The following CAND2 variants were observed in gnomAD, a reference collection of about 807,000 sequenced individuals.
CAND2 encodes the protein cullin associated and neddylation dissociated 2 (putative), also known as cullin-associated NEDD8-dissociated protein 2.
CAND2 carries 62 observed loss-of-function variants against 98.9 expected under a neutral mutation model. That is an observed-to-expected ratio of 0.63 (90% CI 0.51 to 0.77). The LOEUF is 0.77. CAND2 is among the 30% of genes least tolerant of loss of function. CAND2 has a pLI of 0.00. For missense variants in CAND2, 1,501 were observed against 1,655.2 expected, an observed-to-expected ratio of 0.91 and a Z score of 1.62; for synonymous variants, 770 against 731.9, an observed-to-expected ratio of 1.05 and a Z score of -0.84.
intron 13 of CAND2, among the ~76,000 whole-genome samples, chr3:12,829,620 G>A (rs2062037058): frequency 6.6e-6 from 1 of 152,208 alleles, no homozygotes; most frequent in Admixed American, 6.5e-5. Flanking sequence ...ACCCAGAGAG[G>A]CCTGCTGTCT....
chr3:12,809,419 T>C (rs967775924), intron 4 of CAND2, among the ~76,000 whole-genome samples: 2 of 151,702 alleles, frequency 1.3e-5, no homozygotes, highest in African/African-American at 4.9e-5. Context: ...GGAGAGGGGG[T>C]TGGGTAGGAC....
At position 12,834,121 on chromosome 3, in the gene CAND2, CT is replaced by C; in HGVS notation, c.*141del. On this transcript the variant is annotated 3_prime_UTR_variant, in exon 15 of 15. Transcript: ENST00000456430. ...GGGGCCCTGTCGCTCCTGGTCAGGG[CT>C]TACAGTGCCTTCTCCAGGGACCCAA... The C allele has an allele frequency of 4.4e-6, 3 of 677,758 alleles. No homozygotes were observed. The highest frequency in any genetic ancestry group is 7.5e-6 in the Non-Finnish European group (3 of 401,708). 42.0% of individuals were successfully genotyped at this position (677,758 alleles called of 1,614,324 possible). A position where few individuals can be genotyped will look rare whatever the true frequency, so the allele number is the denominator to read the frequency against.
At chr3:12,821,606 G>A (rs1023854296) in intron 11 of CAND2, among the ~76,000 whole-genome samples, 2 of 152,266 alleles carry the variant, frequency 1.3e-5, no homozygotes, top group African/African-American at 2.4e-5. Flanking sequence ...CCATTGTAAC[G>A]GAGCTGCCCT....
At chr3:12,804,689 A>G (rs779365078) in intron 2 of CAND2, among the ~76,000 whole-genome samples, 1 of 152,200 alleles carries the variant, frequency 6.6e-6, no homozygotes, top group Non-Finnish European at 1.5e-5. Flanking sequence ...GAGGTTGTCA[A>G]GCTTGACTGC....
chr3:12,833,610 G>C (rs1293816226), intron 14 of CAND2, 145 bp from the exon 15 acceptor site: 1 of 666,258 alleles, frequency 1.5e-6, no homozygotes, highest in Admixed American at 2.7e-5. Context: ...AATAGCTGGT[G>C]AGACAGAAGC....
Position 12,815,428 on chromosome 3 carries a change from G to T in CAND2, c.1294G>T (p.Gly432Ter). ...QTGSNLHMLR[G>*]QVPLVVKALQ... ...CGGCAGCAACCTCCATATGCTACGTGGACAGGTGGGCGTGCCTTCACCTCC... is the reference window on the plus strand; with the variant it reads ...CGGCAGCAACCTCCATATGCTACGTTGACAGGTGGGCGTGCCTTCACCTCC... Residue 432 changes from glycine to a stop codon, truncating the protein, a stop_gained, in exon 8 of 15, where the codon GGA becomes TGA. Coordinates refer to ENST00000456430, the MANE Select transcript of CAND2 (RefSeq NM_001162499.2). LOFTEE classifies it high-confidence loss of function. The surrounding 1 kb of genome is among the most constrained non-coding windows in gnomAD (Gnocchi z 5.7). 1 of 1,607,124 alleles carries T rather than the reference G, an allele frequency of 6.2e-7. No homozygotes were observed.
At chr3:12,800,683 A>G (rs2061759136) in intron 1 of CAND2, among the ~76,000 whole-genome samples, 1 of 152,106 alleles carries the variant, frequency 6.6e-6, no homozygotes, top group Non-Finnish European at 1.5e-5. Flanking sequence ...GTACTCAAAT[A>G]TTCTGTTTTC....
rs376671004 is a variant in CAND2 at position 12,815,841 on chromosome 3, C to A, written c.1300-26C>A. On this transcript the variant is annotated intron_variant, in intron 8 of 14. Coordinates refer to ENST00000456430, the MANE Select transcript of CAND2 (RefSeq NM_001162499.2). This position sits in a 1 kb window ranked among gnomAD's most constrained non-coding sequence, Gnocchi z 5.7. ...GGTAGGTTTCTTGGGTGTTCCCTGA[C>A]CTTGACTTCCCCCTCCTGCCCACAG... is the stretch of plus-strand genomic sequence containing the variant. 2.5e-6 allele frequency: 4 copies of A among 1,605,910 alleles called. No individual in the cohort carries two copies. Among genetic ancestry groups the A allele is most frequent in the Non-Finnish European group, 3.4e-6 (4 of 1,174,508 alleles).
chr3:12,813,049 G>A lies in CAND2; in HGVS notation c.817G>A (p.Glu273Lys), dbSNP rs770287214. 2.1e-5 allele frequency: 34 copies of A among 1,583,800 alleles called. No homozygotes were observed. The highest frequency in any genetic ancestry group is 8.6e-7 in the Non-Finnish European group (1 of 1,165,738). The change falls in exon 6 of 15, where the codon GAG becomes AAG. Residue 273 changes from glutamate to lysine, a missense_variant. By Grantham distance (56) the Glu-to-Lys change is moderately conservative. Coordinates refer to ENST00000456430, the MANE Select transcript of CAND2 (RefSeq NM_001162499.2). ...VEDFCNLDDD[E>K]LRESCLQAFE... ...GGATTTCTGCAACCTGGATGATGAT[G>A]AGCTCCGGGAGTCCTGCCTCCAGGC...
chr3:12,815,406 C>T lies in CAND2; in HGVS notation c.1272C>T (p.Gly424=), dbSNP rs1311098569. The change falls in exon 8 of 15, where the codon GGC becomes GGT. Residue 424 remains glycine (G), a synonymous_variant. Coordinates refer to ENST00000456430, the MANE Select transcript of CAND2 (RefSeq NM_001162499.2). The surrounding 1 kb of genome is among the most constrained non-coding windows in gnomAD (Gnocchi z 5.7). ...LEAMEEPTQT[G]SNLHMLRGQV... ...CCATGGAGGAACCCACCCAGACCGG[C>T]AGCAACCTCCATATGCTACGTGGAC... 11 of 1,613,050 alleles carry T rather than the reference C, an allele frequency of 6.8e-6. No individual in the cohort carries two copies. Among genetic ancestry groups the T allele is most frequent in the African/African-American group, 1.3e-5 (1 of 74,918 alleles).
Position 12,815,960 on chromosome 3 carries a change from G to C in CAND2, c.1393G>C (p.Gly465Arg). ...GCFSLLTELA[G>R]VLPGSLAEHM... ...CTTCAGCCTCCTCACCGAGCTGGCG[G>C]GTGTCCTCCCAGGCAGCCTGGCCGA... The change falls in exon 9 of 15, where the codon GGT (glycine) becomes CGT (arginine). Residue 465 changes from glycine to arginine, a missense_variant. This residue lies in a region of CAND2 where 1,427 missense variants were observed against 1,545.3 expected (regional missense o/e 0.92). Transcript: ENST00000456430. This position sits in a 1 kb window ranked among gnomAD's most constrained non-coding sequence, Gnocchi z 5.7. The C allele has an allele frequency of 6.2e-7, 1 of 1,613,946 alleles. No homozygotes were observed.
intron 11 of CAND2, among the ~76,000 whole-genome samples, chr3:12,822,836 G>A (rs572318781): frequency 5.3e-5 from 8 of 152,230 alleles, no homozygotes; most frequent in African/African-American, 1.9e-4. Flanking sequence ...ATGTCTATAC[G>A]CAGAGACACA....
chr3:12,807,700 CAG>C (rs1490817967), intron 3 of CAND2, among the ~76,000 whole-genome samples: 1 of 152,166 alleles, frequency 6.6e-6, no homozygotes, highest in African/African-American at 2.4e-5. Flanking sequence ...TTAAAGAAAT[CAG>C]GGGTGGTTTT....
chr3:12,814,142 T>C (rs957666518), intron 7 of CAND2, among the ~76,000 whole-genome samples: 1 of 152,202 alleles, frequency 6.6e-6, no homozygotes, highest in African/African-American at 2.4e-5. Context: ...GTGACAGTGA[T>C]CCATTAGAGG....
rs770183884 is a variant in CAND2, at chr3:12,807,309, G to A, written c.216G>A (p.Leu72=). The A allele has an allele frequency of 1.2e-5, 19 of 1,551,138 alleles. No individual in the cohort carries two copies. The highest frequency in any genetic ancestry group is 1.7e-4 in the Middle Eastern group (1 of 6,006). The part of the protein sequence containing the change: ...GEVQNLAVKC[L]GPLVVKVKEY... ...CACCTTCCCACTCCCTGCTCAGCCT[G>A]GGTCCTCTGGTGGTCAAAGTGAAGG... Residue 72 remains leucine, a synonymous_variant, in exon 3 of 15, where the codon CTG becomes CTA. Transcript: ENST00000456430.
chr3:12,806,687 C>A (rs561302889), intron 2 of CAND2, among the ~76,000 whole-genome samples: 2 of 152,180 alleles, frequency 1.3e-5, no homozygotes, highest in East Asian at 1.9e-4. Flanking sequence ...CGTCTAGTGC[C>A]GCTGTTTTTA....
chr3:12,800,469 T>G (rs1280207838), intron 1 of CAND2, among the ~76,000 whole-genome samples: 1 of 152,160 alleles, frequency 6.6e-6, no homozygotes, highest in African/African-American at 2.4e-5. Context: ...GCAGGGTCAG[T>G]AAAAGCTGGA....
At chr3:12,806,575 A>T (rs1160719347) in intron 2 of CAND2, among the ~76,000 whole-genome samples, 1 of 152,130 alleles carries the variant, frequency 6.6e-6, no homozygotes, top group African/African-American at 2.4e-5. Context: ...AACCCCCTCC[A>T]GGCCACATCT....
At chr3:12,801,190 A>G (rs1329614610) in intron 1 of CAND2, among the ~76,000 whole-genome samples, 1 of 151,840 alleles carries the variant, frequency 6.6e-6, no homozygotes, top group Non-Finnish European at 1.5e-5. Flanking sequence ...GGTGTCTGCC[A>G]CCGCGCTCGG....
Sources: allele counts gnomAD v4.1 joint callset (sites outside exome capture counted in the v4.1 genomes callset), GRCh38; gene constraint gnomAD v4.1.1; regional missense constraint gnomAD v4.1.1; non-coding constraint Gnocchi (gnomAD v3.1); transcripts MANE v1.5; gene names NCBI Gene and HGNC (gene_info 2026-07-23, HGNC 2026-07-21).